PRSS12: variants seen among roughly 807,000 people sequenced by gnomAD.
The protein encoded by PRSS12 is serine protease 12.
In PRSS12, 85 loss-of-function variants were observed where a neutral mutation model predicts 104.4. The ratio of observed to expected loss-of-function variants is 0.81; its 90% CI spans 0.68 to 0.98. PRSS12 has a LOEUF of 0.98. Ranked by LOEUF, PRSS12 falls within the 50% of genes least tolerant of loss-of-function variation. PRSS12 has a pLI of 0.00. For synonymous variants in PRSS12, 454 were observed against 425.2 expected, an observed-to-expected ratio of 1.07 and a Z score of -0.83; for missense variants, 1,141 against 1,139.2, an observed-to-expected ratio of 1.00 and a Z score of -0.02.
intron 4 of PRSS12, 95 bp downstream of exon 4, chr4:118,331,621 A>C: frequency 1.3e-6 from 2 of 1,522,976 alleles, no homozygotes; most frequent in Non-Finnish European, 1.8e-6. Flanking sequence ...CATTTGTTCA[A>C]GGAAATGTGC....
At chr4:118,316,360 A>T in intron 5 of PRSS12, 37 bp from the exon 6 acceptor site, 1 of 1,613,094 alleles carries the variant, frequency 6.2e-7, no homozygotes, top group Non-Finnish European at 8.5e-7. Context: ...TAAGCAAATC[A>T]ACTTTCAAAA....
In PRSS12 at chr4:118,298,917, G is replaced by A. The variant is rs780163106; in HGVS notation, c.1653C>T (p.Thr551=). Residue 551 remains threonine, a synonymous_variant, in exon 9 of 13, where the codon ACC becomes ACT. Coordinates refer to ENST00000296498, the MANE Select transcript of PRSS12 (RefSeq NM_003619.4). ...LGYKGPARAR[T]MAYFGEGKGP... is the part of the protein sequence containing the mutation. Reference sequence around the variant, plus strand: ...CTTTTCCTTCTCCAAAGTAAGCCATGGTTCTTGCTCTGGCAGGACCCCTGA... The same window carrying A: ...CTTTTCCTTCTCCAAAGTAAGCCATAGTTCTTGCTCTGGCAGGACCCCTGA... 28 of 1,613,992 alleles carry A rather than the reference G, an allele frequency of 1.7e-5. No individual in the cohort carries two copies. The highest frequency in any genetic ancestry group is 2.2e-5 in the Non-Finnish European group (26 of 1,180,026).
chr4:118,308,297 G>A (rs918147905), intron 8 of PRSS12, 139 bp downstream of exon 8: 95 of 1,178,426 alleles, frequency 8.1e-5, no homozygotes, highest in Non-Finnish European at 1.1e-4. Flanking sequence ...TATAATTCTG[G>A]ATCAAATCAA....
At chr4:118,310,480 T>C (rs1039830829) in intron 7 of PRSS12, among the ~76,000 whole-genome samples, 1 of 152,230 alleles carries the variant, frequency 6.6e-6, no homozygotes, top group African/African-American at 2.4e-5. Context: ...GAAGGGAAAC[T>C]GGATGACAAA....
Position 118,352,541 on chromosome 4 carries a change from C to T in PRSS12, c.180G>A (p.Pro60=), listed in dbSNP as rs757909956. Residue 60 remains proline, a synonymous_variant, in exon 1 of 13, where the codon CCG becomes CCA. Coordinates refer to ENST00000296498, the MANE Select transcript of PRSS12 (RefSeq NM_003619.4). ...GGGGGCGCGGGAAGCGCGGGAGAGG[C>T]GGCGGCGGACGCGTCCTCGGGGGCC... ...QQRPPRTRPP[P]PLPRFPRPPR... is the part of the protein sequence containing the mutation. The T allele has an allele frequency of 3.3e-6, 5 of 1,504,186 alleles. No individual in the cohort carries two copies. The highest frequency in any genetic ancestry group is 4.5e-6 in the Non-Finnish European group (5 of 1,122,896). 93.2% of individuals were successfully genotyped at this position (1,504,186 alleles called of 1,614,324 possible). A position where few individuals can be genotyped will look rare whatever the true frequency, so the allele number is the denominator to read the frequency against.
In PRSS12 at chr4:118,298,734, T is replaced by C; in HGVS notation, c.1836A>G (p.Lys612=). ...FGKKASGNSN[K]ESLSSVCGLR... Reference sequence around the variant, plus strand: ...TTAGGGCTCCAGAAGGTGACTTACCTTTATTACTGTTACCTGAGGCCTTCT... The same window carrying C: ...TTAGGGCTCCAGAAGGTGACTTACCCTTATTACTGTTACCTGAGGCCTTCT... Residue 612 remains lysine (K), a splice_region_variant and synonymous_variant, in exon 9 of 13, where the codon AAA becomes AAG. Coordinates refer to ENST00000296498, the MANE Select transcript of PRSS12 (RefSeq NM_003619.4). 1 of 1,614,138 alleles carries C rather than the reference T, an allele frequency of 6.2e-7. No homozygotes were observed. Among genetic ancestry groups the C allele is most frequent in the African/African-American group, 1.3e-5 (1 of 75,058 alleles).
At chr4:118,305,186 A>G (rs774514015) in intron 8 of PRSS12, among the ~76,000 whole-genome samples, 4 of 151,096 alleles carry the variant, frequency 2.6e-5, no homozygotes, top group Admixed American at 6.6e-5. Context: ...ATGAAATCCA[A>G]TTTCCCTTCA....
intron 4 of PRSS12, among the ~76,000 whole-genome samples, chr4:118,327,163 T>A (rs1488505317): frequency 2.7e-5 from 4 of 150,768 alleles, no homozygotes; most frequent in African/African-American, 9.8e-5. Context: ...GAAAAAAAAT[T>A]TTTTTTTTTG....
At position 118,338,205 on chromosome 4, in the gene PRSS12, T is replaced by C; in HGVS notation, c.612A>G (p.Ala204=). ...VCSSHWDDSD[A]SVICHQLQLG... ...GCTGCAGCTGGTGACAAATGACTGATGCATCAGAATCATCCCAGTGGCTGC... is the reference window on the plus strand; with the variant it reads ...GCTGCAGCTGGTGACAAATGACTGACGCATCAGAATCATCCCAGTGGCTGC... The change falls in exon 2 of 13, where the codon GCA becomes GCG. Residue 204 remains alanine (A), a synonymous_variant. Coordinates refer to ENST00000296498, the MANE Select transcript of PRSS12 (RefSeq NM_003619.4). The C allele has an allele frequency of 6.2e-7, 1 of 1,614,076 alleles. No homozygotes were observed.
chr4:118,343,479 A>G (rs532338922), intron 1 of PRSS12, among the ~76,000 whole-genome samples: 2 of 152,342 alleles, frequency 1.3e-5, no homozygotes, highest in Non-Finnish European at 2.9e-5. Context: ...AATAGGAGAA[A>G]AGGAACCAAA....
intron 5 of PRSS12, 146 bp from the exon 6 acceptor site, chr4:118,316,469 C>G: frequency 1.0e-6 from 1 of 981,236 alleles, no homozygotes; most frequent in Non-Finnish European, 1.5e-6. Flanking sequence ...TGCTAAATGA[C>G]CCTCTGAGGT....
intron 7 of PRSS12, among the ~76,000 whole-genome samples, chr4:118,311,000 G>A (rs1461338421): frequency 2.0e-5 from 3 of 152,032 alleles, no homozygotes; most frequent in Non-Finnish European, 4.4e-5. Flanking sequence ...GCAGTGAGCC[G>A]AGATTGCGCC....
At chr4:118,329,937 T>C (rs1723874976) in intron 4 of PRSS12, among the ~76,000 whole-genome samples, 1 of 152,144 alleles carries the variant, frequency 6.6e-6, no homozygotes, top group Non-Finnish European at 1.5e-5. Context: ...GCTCGTGAAA[T>C]TGATACCCAG....
intron 8 of PRSS12, among the ~76,000 whole-genome samples, chr4:118,302,270 T>C (rs1016115676): frequency 1.3e-5 from 2 of 152,350 alleles, no homozygotes; most frequent in Non-Finnish European, 2.9e-5. Flanking sequence ...TTTGCTAATA[T>C]TTTGTTAGCA....
intron 1 of PRSS12, among the ~76,000 whole-genome samples, chr4:118,350,314 A>G (rs1438880837): frequency 6.6e-6 from 1 of 152,206 alleles, no homozygotes; most frequent in Non-Finnish European, 1.5e-5. Context: ...TCACCACTCC[A>G]TGATACTTTT....
Position 118,318,553 on chromosome 4 carries a change from G to A in PRSS12, c.975C>T (p.Gly325=). The change falls in exon 5 of 13, where the codon GGC becomes GGT. Residue 325 remains glycine (G), a synonymous_variant. Transcript: ENST00000296498. The stretch of plus-strand genomic sequence containing the variant: ...ATGCCTGATGCCATGCTTTGGCAAT[G>A]CCACTGAACAAATAAAAGAATGTAA... ...EVICRQLGLS[G]IAKAWHQAYF... The A allele has an allele frequency of 1.2e-6, 2 of 1,613,730 alleles. No homozygotes were observed. Among genetic ancestry groups the A allele is most frequent in the Non-Finnish European group, 1.7e-6 (2 of 1,179,820 alleles).
At chr4:118,287,189 G>C (rs1160425095) in intron 11 of PRSS12, among the ~76,000 whole-genome samples, 17 of 151,944 alleles carry the variant, frequency 1.1e-4, no homozygotes, top group Non-Finnish European at 2.4e-4. Context: ...CTGTTGCCCA[G>C]GCTGGAGCGC....
At position 118,295,791 on chromosome 4, in the gene PRSS12, T is replaced by C. The variant is rs937952328; in HGVS notation, c.1903A>G (p.Lys635Glu). 10 of 1,613,674 alleles carry C rather than the reference T, an allele frequency of 6.2e-6. No homozygotes were observed. Among genetic ancestry groups the C allele is most frequent in the Non-Finnish European group, 8.5e-6 (10 of 1,179,688 alleles). ...AGGAACATTTACCTTAAAGAATTTT[T>C]CCCACCAATGATCCGCTTCTGCCGA... ...HRRQKRIIGG[K>E]NSLRGGWPWQ... Residue 635 changes from lysine (K) to glutamate (E), a missense_variant, in exon 10 of 13, where the codon AAA (lysine) becomes GAA (glutamate). By Grantham distance (56) the Lys-to-Glu change is moderately conservative. Coordinates refer to ENST00000296498, the MANE Select transcript of PRSS12 (RefSeq NM_003619.4).
At chr4:118,343,287 C>T (rs1357244712) in intron 1 of PRSS12, among the ~76,000 whole-genome samples, 1 of 151,784 alleles carries the variant, frequency 6.6e-6, no homozygotes, top group African/African-American at 2.4e-5. Flanking sequence ...CCCAGCTACT[C>T]AGGCTACTAA....
Sources: gnomAD v4.1 joint callset for allele counts (sites outside exome capture counted in the v4.1 genomes callset) on GRCh38, gnomAD v4.1.1 for gene constraint, MANE v1.5 for transcripts, NCBI Gene and HGNC (gene_info 2026-07-23, HGNC 2026-07-21) for gene names.